The following MCCC2 variants were observed in gnomAD, a reference collection of about 807,000 sequenced individuals.
MCCC2 encodes the protein methylcrotonyl-CoA carboxylase subunit 2.
Under a neutral mutation model 77.2 loss-of-function variants are expected in MCCC2, and 52 were observed. The ratio of observed to expected loss-of-function variants is 0.67; its 90% CI spans 0.54 to 0.85. The LOEUF (loss-of-function observed/expected upper bound fraction) is 0.85, where lower values mean the gene tolerates loss of function less well. Ranked by LOEUF, MCCC2 falls within the 40% of genes least tolerant of loss-of-function variation. MCCC2 has a pLI of 0.00. For missense variants in MCCC2, 682 were observed against 703.2 expected (o/e 0.97, Z 0.34); for synonymous variants, 253 against 248.4 (o/e 1.02, Z -0.18).
At chr5:71,621,309 C>A (rs1403191339) in intron 6 of MCCC2, among the ~76,000 whole-genome samples, 1 of 151,880 alleles carries the variant, frequency 6.6e-6, no homozygotes, top group African/African-American at 2.4e-5. Flanking sequence ...GGAGTGCTAC[C>A]TGGGCAATAT....
At chr5:71,637,866 C>T (rs533132313) in intron 10 of MCCC2, among the ~76,000 whole-genome samples, 23 of 152,162 alleles carry the variant, frequency 1.5e-4, no homozygotes, top group Non-Finnish European at 3.2e-4. Context: ...GTGCCCGCCA[C>T]TGCGCCTGGC....
Position 71,607,019 on chromosome 5 carries a change from A to C in MCCC2, c.624+2551A>C, listed in dbSNP as rs984352878. Among the ~76,000 whole-genome samples the C allele has an allele frequency of 4.5e-4, 68 of 150,302 alleles. 1 individual carries two copies. The highest frequency in any genetic ancestry group is 1.7e-3 in the South Asian group (8 of 4,744). On this transcript the variant is annotated intron_variant, in intron 6 of 16. Coordinates refer to ENST00000340941, the MANE Select transcript of MCCC2 (RefSeq NM_022132.5). ...ATTTTTGCATCAATGTTCATCAAGG[A>C]TATTGGTCTAAAATTCTCTTTTTTG...
chr5:71,642,336 T>G (rs1380496404), intron 11 of MCCC2, among the ~76,000 whole-genome samples: 1 of 151,976 alleles, frequency 6.6e-6, no homozygotes, highest in Non-Finnish European at 1.5e-5. Context: ...GAAGGACAGA[T>G]TTTTCTGGTT....
intron 1 of MCCC2, among the ~76,000 whole-genome samples, chr5:71,589,811 G>A (rs1174324924): frequency 6.6e-6 from 1 of 152,142 alleles, no homozygotes; most frequent in Non-Finnish European, 1.5e-5. Context: ...CTGTTTTATA[G>A]ATGGGAAAAC....
intron 6 of MCCC2, among the ~76,000 whole-genome samples, chr5:71,617,527 A>T (rs958774120): frequency 1.3e-4 from 20 of 152,232 alleles, no homozygotes; most frequent in African/African-American, 3.9e-4. Context: ...AAATCTCCTT[A>T]TAACTATTAA....
chr5:71,656,373 T>C (rs1011304324), intron 16 of MCCC2, among the ~76,000 whole-genome samples: 1 of 152,190 alleles, frequency 6.6e-6, no homozygotes, highest in African/African-American at 2.4e-5. Flanking sequence ...TGCATATTAA[T>C]GACAGAATAC....
intron 6 of MCCC2, among the ~76,000 whole-genome samples, chr5:71,624,693 CTTTT>C (rs36140678): frequency 0.36 from 36,672 of 102,094 alleles, 6,165 homozygotes; most frequent in East Asian, 0.55. Flanking sequence ...TTCTTTCTTT[CTTTT>C]TTTTTTTTTT....
rs182290074 is a variant in MCCC2, at chr5:71,611,890, G to A, written c.624+7422G>A. ...TGCAAACTTTGCCTCCCGGGTTCACGCTATTCTCCTGCCTCAGCCTCCTGA... is the reference window on the plus strand; with the variant it reads ...TGCAAACTTTGCCTCCCGGGTTCACACTATTCTCCTGCCTCAGCCTCCTGA... On this transcript the variant is annotated intron_variant, in intron 6 of 16. Coordinates refer to ENST00000340941, the MANE Select transcript of MCCC2 (RefSeq NM_022132.5). Among the ~76,000 whole-genome samples, 1,222 of 151,008 alleles carry A rather than the reference G, an allele frequency of 8.1e-3. 23 individuals are homozygous for A. Among genetic ancestry groups the A allele is most frequent in the Middle Eastern group, 0.034 (10 of 292 alleles).
chr5:71,649,181 T>A lies in MCCC2; in HGVS notation c.1301T>A (p.Val434Glu). 1 of 1,614,222 alleles carries A rather than the reference T, an allele frequency of 6.2e-7. No homozygotes were observed. Among genetic ancestry groups the A allele is most frequent in the South Asian group, 1.1e-5 (1 of 91,086 alleles). ...GTGGCCGCTGTGGCCTGTGCCCAAG[T>A]GCCTAAGATAACCCTCATCATTGGG... ...KMVAAVACAQ[V>E]PKITLIIGGS... Residue 434 changes from valine (V) to glutamate (E), a missense_variant, in exon 14 of 17, where the codon GTG becomes GAG. By Grantham distance (121) the Val-to-Glu change is moderately radical. Coordinates refer to ENST00000340941, the MANE Select transcript of MCCC2 (RefSeq NM_022132.5).
chr5:71,616,930 G>T (rs1746173020), intron 6 of MCCC2, among the ~76,000 whole-genome samples: 1 of 152,146 alleles, frequency 6.6e-6, no homozygotes, highest in Non-Finnish European at 1.5e-5. Context: ...ACTAGACTGT[G>T]GCTCTAGCCT....
At chr5:71,614,477 T>C (rs1344820997) in intron 6 of MCCC2, among the ~76,000 whole-genome samples, 1 of 127,512 alleles carries the variant, frequency 7.8e-6, no homozygotes, top group East Asian at 2.1e-4. Context: ...CCCATCTCTC[T>C]CTCTCTCTTT....
In MCCC2 at chr5:71,652,523, G is replaced by T. The variant is rs1158192996; in HGVS notation, c.1489-146G>T. 11 of 718,484 alleles carry T rather than the reference G, an allele frequency of 1.5e-5. 1 individual carries two copies. The Admixed American group carries it at 1.6e-4, about 11-fold the overall frequency. The allele number at this position is 718,484 out of a possible 1,614,324, so 44.5% of individuals were successfully genotyped here. On this transcript the variant is annotated intron_variant, in intron 15 of 16. Transcript: ENST00000340941. Reference sequence around the variant, plus strand: ...CTCATGTCTTAGCGTGTATGTTAATGATCACTTGTAATTTATACATCACTA... The same window carrying T: ...CTCATGTCTTAGCGTGTATGTTAATTATCACTTGTAATTTATACATCACTA...
intron 4 of MCCC2, 86 bp downstream of exon 4, chr5:71,599,846 A>G (rs1745353122): frequency 4.7e-6 from 5 of 1,058,152 alleles, no homozygotes; most frequent in South Asian, 2.5e-5. Flanking sequence ...TTTGCATATT[A>G]GCATGCGATT....
intron 1 of MCCC2, among the ~76,000 whole-genome samples, chr5:71,589,730 C>T (rs1039082256): frequency 7.9e-5 from 12 of 152,096 alleles, no homozygotes; most frequent in African/African-American, 2.9e-4. Context: ...CACCATTTTT[C>T]TAAAGGCTTT....
At chr5:71,598,776 G>A (rs948765728) in intron 3 of MCCC2, among the ~76,000 whole-genome samples, 4 of 151,768 alleles carry the variant, frequency 2.6e-5, no homozygotes, top group Admixed American at 6.6e-5. Flanking sequence ...TTTTGAGACA[G>A]GGTCTCATTC....
intron 13 of MCCC2, 90 bp downstream of exon 13, chr5:71,646,367 C>T: frequency 1.7e-6 from 2 of 1,170,558 alleles, no homozygotes; most frequent in Non-Finnish European, 2.6e-6. Context: ...ACATGTAGAC[C>T]ACTTCATCAG....
intron 6 of MCCC2, among the ~76,000 whole-genome samples, chr5:71,620,396 T>G (rs187759076): frequency 2.0e-5 from 3 of 152,320 alleles, no homozygotes; most frequent in Admixed American, 2.0e-4. Flanking sequence ...TATTATATTT[T>G]TAATGGCTTT....
In MCCC2 at chr5:71,644,070, T is replaced by C. The variant is rs11950001; in HGVS notation, c.1149+175T>C. The stretch of plus-strand genomic sequence containing the variant: ...GTGTGTGTGTGTGTGTGTGTGTGTG[T>C]GCGCGCGTGTGTATATATGTGCATG... On this transcript the variant is annotated intron_variant, in intron 12 of 16. Transcript: ENST00000340941. Among the ~76,000 whole-genome samples, 279 of 55,704 alleles carry C rather than the reference T, an allele frequency of 5.0e-3. 1 individual carries two copies. Among genetic ancestry groups the C allele is most frequent in the Middle Eastern group, 0.014 (1 of 74 alleles). 36.5% of individuals were successfully genotyped at this position (55,704 alleles called of 152,430 possible).
chr5:71,622,371 CTTGT>C, intron 6 of MCCC2, among the ~76,000 whole-genome samples: 1 of 152,046 alleles, frequency 6.6e-6, no homozygotes, highest in Middle Eastern at 3.4e-3. Context: ...CTGTTAGATA[CTTGT>C]TTGAGAATTT....
Sources: allele counts gnomAD v4.1 joint callset (sites outside exome capture counted in the v4.1 genomes callset), GRCh38; gene constraint gnomAD v4.1.1; transcripts MANE v1.5; gene names NCBI Gene and HGNC (gene_info 2026-07-23, HGNC 2026-07-21).